Variants in EDEM3 observed in about 807,000 individuals in gnomAD.
EDEM3 encodes ER degradation-enhancing alpha-mannosidase-like protein 3.
In EDEM3, 60 loss-of-function variants were observed where a neutral mutation model predicts 110.2. The ratio of observed to expected loss-of-function variants is 0.54; its 90% CI spans 0.44 to 0.67. EDEM3 has a LOEUF of 0.67. Among genes scored for constraint, EDEM3 ranks in the 30% least tolerant of loss-of-function variants. The pLI, the probability that EDEM3 is intolerant of heterozygous loss-of-function variation, is 0.00. For missense variants in EDEM3, 996 were observed against 1,121.0 expected, an observed-to-expected ratio of 0.89 and a Z score of 1.59; for synonymous variants, 352 against 382.9, an observed-to-expected ratio of 0.92 and a Z score of 0.94.
At chr1:184,701,633 G>T in intron 19 of EDEM3, 1 of 869,024 alleles carries the variant, frequency 1.2e-6, no homozygotes, top group Non-Finnish European at 1.6e-6. Context: ...TATGTTAGAT[G>T]TGCCTAAATG....
At chr1:184,698,134 A>G (rs1261605239) in intron 19 of EDEM3, among the ~76,000 whole-genome samples, 1 of 151,792 alleles carries the variant, frequency 6.6e-6, no homozygotes. Context: ...AAATATGCTG[A>G]CTAAAATAGG....
At chr1:184,700,202 A>G (rs1649542054) in intron 19 of EDEM3, among the ~76,000 whole-genome samples, 1 of 151,982 alleles carries the variant, frequency 6.6e-6, no homozygotes, top group African/African-American at 2.4e-5. Context: ...ACAGTTTCAG[A>G]TACATCTATA....
At chr1:184,736,470 C>T (rs1001710912) in intron 4 of EDEM3, among the ~76,000 whole-genome samples, 4 of 152,082 alleles carry the variant, frequency 2.6e-5, no homozygotes, top group African/African-American at 9.7e-5. Context: ...TAAAAAGATA[C>T]TGTATTTAGA....
intron 2 of EDEM3, among the ~76,000 whole-genome samples, chr1:184,746,094 T>C (rs1385746896): frequency 6.6e-6 from 1 of 152,228 alleles, no homozygotes; most frequent in Admixed American, 6.5e-5. Context: ...TGCAATTCAC[T>C]GTGGGTAAAC....
At chr1:184,719,051 TGAA>T (rs1015256996) in intron 11 of EDEM3, 108 bp downstream of exon 11, 40 of 549,536 alleles carry the variant, frequency 7.3e-5, no homozygotes, top group Middle Eastern at 4.5e-4. Flanking sequence ...CAACAAGCCT[TGAA>T]GATGACATTT....
At chr1:184,705,209 ATACTT>A (rs1318122032) in intron 18 of EDEM3, among the ~76,000 whole-genome samples, 1 of 152,248 alleles carries the variant, frequency 6.6e-6, no homozygotes, top group Non-Finnish European at 1.5e-5. Context: ...TCTACACTTT[ATACTT>A]TACATTTTCA....
chr1:184,743,068 C>T (rs1189444208), intron 2 of EDEM3, among the ~76,000 whole-genome samples: 1 of 152,058 alleles, frequency 6.6e-6, no homozygotes, highest in Non-Finnish European at 1.5e-5. Flanking sequence ...TGAAATTAAT[C>T]TAGATAATAA....
chr1:184,714,155 G>C (rs1426566699), intron 13 of EDEM3, among the ~76,000 whole-genome samples: 2 of 152,076 alleles, frequency 1.3e-5, no homozygotes, highest in Admixed American at 1.3e-4. Flanking sequence ...ACTGATAATT[G>C]GCAAATACTA....
rs1178750541 is a variant in EDEM3 at position 184,723,743 on chromosome 1, T to C, written c.853+8A>G. On this transcript the variant is annotated splice_region_variant and intron_variant, in intron 8 of 19. Transcript: ENST00000318130. Reference sequence around the variant, plus strand: ...AAAGGCTTGATTTAAAAAGCCTAACTTACATACCTTTTCGTACCCAATCTC... The same window carrying C: ...AAAGGCTTGATTTAAAAAGCCTAACCTACATACCTTTTCGTACCCAATCTC... 2.5e-6 allele frequency: 4 copies of C among 1,583,174 alleles called. No individual in the cohort carries two copies. In the East Asian group the frequency reaches 9.1e-5, roughly 36 times the overall value.
intron 2 of EDEM3, among the ~76,000 whole-genome samples, chr1:184,741,617 T>G (rs1016924881): frequency 1.3e-5 from 2 of 152,154 alleles, no homozygotes; most frequent in East Asian, 3.8e-4. Context: ...ATTCCCCAAG[T>G]TGCTAGTGTT....
rs964574218 is a variant in EDEM3, at chr1:184,694,006, A to G, written c.*57T>C. 6.5e-7 allele frequency: 1 copy of G among 1,539,680 alleles called. No homozygotes were observed. The highest frequency in any genetic ancestry group is 1.4e-5 in the African/African-American group (1 of 72,468). On this transcript the variant is annotated 3_prime_UTR_variant, in exon 20 of 20. Transcript: ENST00000318130. ...CCTGCTTAGTATTAGGATGTCTATT[A>G]ACCACACACAGTTTACCTTTTCTTT... is the stretch of plus-strand genomic sequence containing the variant.
chr1:184,721,905 C>T (rs936174601), intron 8 of EDEM3, among the ~76,000 whole-genome samples: 1 of 151,598 alleles, frequency 6.6e-6, no homozygotes, highest in Non-Finnish European at 1.5e-5. Context: ...CAACTCTAGA[C>T]AAAAATGAAG....
At chr1:184,748,763 T>C (rs1014115523) in intron 2 of EDEM3, among the ~76,000 whole-genome samples, 9 of 152,214 alleles carry the variant, frequency 5.9e-5, no homozygotes, top group East Asian at 3.8e-4. Flanking sequence ...ACAGAATCAG[T>C]TGAAAAATAT....
At chr1:184,744,969 G>A (rs564327068) in intron 2 of EDEM3, among the ~76,000 whole-genome samples, 27 of 152,148 alleles carry the variant, frequency 1.8e-4, no homozygotes, top group Middle Eastern at 3.4e-3. Context: ...GGCGTCAGAG[G>A]TGGGGAGAAG....
intron 4 of EDEM3, among the ~76,000 whole-genome samples, chr1:184,735,825 T>C (rs181072778): frequency 3.5e-4 from 54 of 152,282 alleles, no homozygotes; most frequent in Non-Finnish European, 5.7e-4. Context: ...CCACCCTCCA[T>C]ACACATATAC....
rs554522237 is a variant in EDEM3, at chr1:184,692,131, C to T, written c.*1932G>A. On this transcript the variant is annotated 3_prime_UTR_variant, in exon 20 of 20. Transcript: ENST00000318130. ...TCTTAGAGGAACATCTGCTCATTTTCTCCAAGCCCCAGTCCTATAAATCAA... is the reference window on the plus strand; with the variant it reads ...TCTTAGAGGAACATCTGCTCATTTTTTCCAAGCCCCAGTCCTATAAATCAA... 6.6e-6 allele frequency: 1 copy of T among 152,230 alleles called. No individual in the cohort carries two copies. The highest frequency in any genetic ancestry group is 1.9e-4 in the East Asian group (1 of 5,188). The allele number at this position is 152,230 out of a possible 1,614,324, so 9.4% of individuals were successfully genotyped here. A position where few individuals can be genotyped will look rare whatever the true frequency, so the allele number is the denominator to read the frequency against.
At chr1:184,712,758 ACTCCAAGTATATT>A (rs1462112387) in intron 13 of EDEM3, among the ~76,000 whole-genome samples, 160 bp from the exon 14 acceptor site, 6 of 152,004 alleles carry the variant, frequency 3.9e-5, no homozygotes, top group Non-Finnish European at 7.4e-5. Flanking sequence ...AATAACCTTG[ACTCCAAGTATATT>A]CTATGTTAAT....
intron 17 of EDEM3, 127 bp downstream of exon 17, chr1:184,708,026 C>A (rs1334083144): frequency 1.2e-6 from 1 of 845,088 alleles, no homozygotes; most frequent in Non-Finnish European, 1.7e-6. Context: ...TTACTTAAAT[C>A]CAGGAGATTG....
chr1:184,729,363 A>T (rs1651371256), intron 6 of EDEM3, among the ~76,000 whole-genome samples: 1 of 152,172 alleles, frequency 6.6e-6, no homozygotes. Flanking sequence ...AATCCTTAAA[A>T]TATGTATAAA....
Sources: allele counts gnomAD v4.1 joint callset (sites outside exome capture counted in the v4.1 genomes callset), GRCh38; gene constraint gnomAD v4.1.1; transcripts MANE v1.5; gene names NCBI Gene and HGNC (gene_info 2026-07-23, HGNC 2026-07-21).